R3HDM1: variants seen among roughly 807,000 people sequenced by gnomAD.
The protein encoded by R3HDM1 is R3H domain-containing protein 1.
Under a neutral mutation model 141.1 loss-of-function variants are expected in R3HDM1, and 46 were observed. That is an observed-to-expected ratio of 0.33 (90% CI 0.26 to 0.42). The LOEUF (loss-of-function observed/expected upper bound fraction) is 0.42, where lower values mean the gene tolerates loss of function less well. Ranked by LOEUF, R3HDM1 falls within the 10% of genes least tolerant of loss-of-function variation. R3HDM1 has a pLI of 1.00. For synonymous variants in R3HDM1, 435 were observed against 472.9 expected (o/e 0.92, Z 1.04); for missense variants, 1,184 against 1,368.3 (o/e 0.87, Z 2.12).
intron 1 of R3HDM1, among the ~76,000 whole-genome samples, chr2:135,546,880 C>G (rs1380372002): frequency 6.6e-6 from 1 of 152,154 alleles, no homozygotes; most frequent in Non-Finnish European, 1.5e-5. Flanking sequence ...CCATGTTGGT[C>G]AGGCTGGTCT....
Position 135,566,972 on chromosome 2 carries a change from G to GA in R3HDM1, c.-250+35357dup, listed in dbSNP as rs74608097. ...GGCAACACAGCGGGACTCCGTCTCA[G>GA]AAAAAAAAAAAAAAAAAAGTAGACC... On this transcript the variant is annotated intron_variant, in intron 1 of 26. Coordinates refer to ENST00000683871, the MANE Select transcript of R3HDM1 (RefSeq NM_001378107.1). 347 of 98,894 alleles carry GA rather than the reference G, an allele frequency of 3.5e-3. 1 individual carries two copies. The highest frequency in any genetic ancestry group is 1.0e-2 in the Admixed American group (91 of 9,124). The allele number at this position is 98,894 out of a possible 1,614,324, so 6.1% of individuals were successfully genotyped here.
At chr2:135,689,807 T>C (rs1489278511) in intron 21 of R3HDM1, among the ~76,000 whole-genome samples, 2 of 152,148 alleles carry the variant, frequency 1.3e-5, no homozygotes, top group Admixed American at 1.3e-4. Flanking sequence ...TCTCAGTCCT[T>C]AGTGTGGAGA....
chr2:135,655,977 A>C (rs1042176629), intron 18 of R3HDM1, among the ~76,000 whole-genome samples: 2 of 152,182 alleles, frequency 1.3e-5, no homozygotes, highest in African/African-American at 4.8e-5. Flanking sequence ...CCAGTCTTAA[A>C]TGAGCATGGG....
Position 135,724,322 on chromosome 2 carries a change from G to T in R3HDM1, c.*30G>T. ...CACCTTTGGACCCTTCGCCTTTATGGTTCCCCTGCCCTCTCCCATCTTTGA... is the reference window on the plus strand; with the variant it reads ...CACCTTTGGACCCTTCGCCTTTATGTTTCCCCTGCCCTCTCCCATCTTTGA... On this transcript the variant is annotated 3_prime_UTR_variant, in exon 27 of 27. Coordinates refer to ENST00000683871, the MANE Select transcript of R3HDM1 (RefSeq NM_001378107.1). 1 of 1,492,766 alleles carries T rather than the reference G, an allele frequency of 6.7e-7. No individual in the cohort carries two copies. The highest frequency in any genetic ancestry group is 2.4e-5 in the East Asian group (1 of 42,212). 92.5% of individuals were successfully genotyped at this position (1,492,766 alleles called of 1,614,324 possible).
chr2:135,650,247 G>A, intron 17 of R3HDM1: 1 of 983,992 alleles, frequency 1.0e-6, no homozygotes, highest in Non-Finnish European at 1.2e-6. Flanking sequence ...AGAATTTTCA[G>A]GTTGATTATT....
intron 18 of R3HDM1, among the ~76,000 whole-genome samples, chr2:135,657,121 G>C (rs1343680977): frequency 6.8e-6 from 1 of 147,024 alleles, no homozygotes; most frequent in Non-Finnish European, 1.5e-5. Flanking sequence ...GAGAGATATT[G>C]GCTAGGCACA....
intron 3 of R3HDM1, among the ~76,000 whole-genome samples, chr2:135,611,945 A>G (rs1229452059): frequency 6.6e-6 from 1 of 152,190 alleles, no homozygotes; most frequent in Non-Finnish European, 1.5e-5. Context: ...ATGATCCTGT[A>G]TCTTCATTTA....
intron 5 of R3HDM1, chr2:135,620,774 T>A: frequency 2.2e-6 from 1 of 451,070 alleles, no homozygotes; most frequent in Middle Eastern, 1.1e-3. Flanking sequence ...TAATTTCTAG[T>A]AATCCCTTTG....
At chr2:135,668,520 A>G (rs2067860992) in intron 19 of R3HDM1, among the ~76,000 whole-genome samples, 1 of 152,206 alleles carries the variant, frequency 6.6e-6, no homozygotes, top group African/African-American at 2.4e-5. Context: ...TGAGCATCAA[A>G]TGTTAAATGA....
chr2:135,570,348 G>A (rs1382471796), intron 1 of R3HDM1, among the ~76,000 whole-genome samples: 1 of 152,152 alleles, frequency 6.6e-6, no homozygotes, highest in Non-Finnish European at 1.5e-5. Context: ...TATGCTGTAG[G>A]AATACATAAG....
intron 1 of R3HDM1, among the ~76,000 whole-genome samples, chr2:135,590,918 A>G (rs1709112204): frequency 6.6e-6 from 1 of 152,334 alleles, no homozygotes; most frequent in Middle Eastern, 3.4e-3. Flanking sequence ...TCCTTCTAAC[A>G]TAATCCTTAG....
At chr2:135,678,879 C>G (rs1041241042) in intron 20 of R3HDM1, among the ~76,000 whole-genome samples, 2 of 150,800 alleles carry the variant, frequency 1.3e-5, no homozygotes, top group African/African-American at 4.9e-5. Flanking sequence ...TGTGCCTCAG[C>G]CTCCTGAGTA....
intron 20 of R3HDM1, among the ~76,000 whole-genome samples, 200 bp from the exon 21 acceptor site, chr2:135,679,973 A>C (rs2069950922): frequency 6.6e-6 from 1 of 152,128 alleles, no homozygotes. Context: ...CCAGCTACTC[A>C]GGAGGCTGAG....
At chr2:135,542,073 A>G (rs936232628) in intron 1 of R3HDM1, among the ~76,000 whole-genome samples, 3 of 152,206 alleles carry the variant, frequency 2.0e-5, no homozygotes, top group African/African-American at 7.2e-5. Context: ...GGAATTTTAT[A>G]CACTATTTTA....
chr2:135,645,300 C>G lies in R3HDM1; in HGVS notation c.1475-79C>G, dbSNP rs1183689571. The G allele has an allele frequency of 5.6e-6, 7 of 1,240,102 alleles. No homozygotes were observed. The Admixed American group carries it at 1.6e-4, about 29-fold the overall frequency. 76.8% of individuals were successfully genotyped at this position (1,240,102 alleles called of 1,614,324 possible). A position where few individuals can be genotyped will look rare whatever the true frequency, so the allele number is the denominator to read the frequency against. ...TTGTGGTTAAAGGATTTTGGACATG[C>G]TTTGTAAATTGTTAGTAAAAGGACC... On this transcript the variant is annotated intron_variant, in intron 15 of 26. Transcript: ENST00000683871.
intron 21 of R3HDM1, among the ~76,000 whole-genome samples, chr2:135,707,043 G>T (rs1363680146): frequency 6.6e-6 from 1 of 152,176 alleles, no homozygotes; most frequent in Non-Finnish European, 1.5e-5. Flanking sequence ...GGGGCGGCTG[G>T]CTGGGCGGGG....
intron 21 of R3HDM1, among the ~76,000 whole-genome samples, chr2:135,686,520 G>A (rs371575188): frequency 2.6e-5 from 4 of 152,116 alleles, no homozygotes; most frequent in South Asian, 2.1e-4. Flanking sequence ...AGGATGGCTC[G>A]AGCCCAGGAG....
chr2:135,537,171 A>AT (rs1261863888), intron 1 of R3HDM1, among the ~76,000 whole-genome samples: 1 of 144,990 alleles, frequency 6.9e-6, no homozygotes, highest in African/African-American at 2.7e-5. Flanking sequence ...AAGCTCTGGA[A>AT]TTTAAAAAAA....
rs954514246 is a variant in R3HDM1 at position 135,724,335 on chromosome 2, C to G, written c.*43C>G. 7.1e-7 allele frequency: 1 copy of G among 1,414,170 alleles called. No homozygotes were observed. Among genetic ancestry groups the G allele is most frequent in the East Asian group, 2.4e-5 (1 of 41,144 alleles). 87.6% of individuals were successfully genotyped at this position (1,414,170 alleles called of 1,614,324 possible). On this transcript the variant is annotated 3_prime_UTR_variant, in exon 27 of 27. Coordinates refer to ENST00000683871, the MANE Select transcript of R3HDM1 (RefSeq NM_001378107.1). Reference sequence around the variant, plus strand: ...TTCGCCTTTATGGTTCCCCTGCCCTCTCCCATCTTTGATTGGCTTGGTATT... The same window carrying G: ...TTCGCCTTTATGGTTCCCCTGCCCTGTCCCATCTTTGATTGGCTTGGTATT...
Sources: allele counts gnomAD v4.1 joint callset (sites outside exome capture counted in the v4.1 genomes callset), GRCh38; gene constraint gnomAD v4.1.1; transcripts MANE v1.5; gene names NCBI Gene and HGNC (gene_info 2026-07-23, HGNC 2026-07-21).